FHIP1B: variants seen among roughly 807,000 people sequenced by gnomAD.
The protein encoded by FHIP1B is FHF complex subunit HOOK interacting protein 1B, also known as FHF complex subunit HOOK-interacting protein 1B.
FHIP1B carries 28 observed loss-of-function variants against 82.2 expected under a neutral mutation model. The ratio of observed to expected loss-of-function variants is 0.34; its 90% CI spans 0.25 to 0.47. The LOEUF is 0.47. Among genes scored for constraint, FHIP1B ranks in the 20% least tolerant of loss-of-function variants. The pLI is 1.00. For synonymous variants in FHIP1B, 585 were observed against 516.1 expected (o/e 1.13, Z -1.81); for missense variants, 1,110 against 1,262.6 (o/e 0.88, Z 1.83).
At chr11:6,217,092 G>A in intron 9 of FHIP1B, 1 of 702,986 alleles carries the variant, frequency 1.4e-6, no homozygotes, top group South Asian at 1.5e-5. Flanking sequence ...GCAGGAAATG[G>A]CCAGACTAGG....
intron 1 of FHIP1B, among the ~76,000 whole-genome samples, chr11:6,226,197 A>G (rs1847560009): frequency 6.6e-6 from 1 of 152,150 alleles, no homozygotes; most frequent in South Asian, 2.1e-4. Flanking sequence ...TCTCTCACAC[A>G]ATTTCCAGCT....
Position 6,217,432 on chromosome 11 carries a change from A to T in FHIP1B, c.2154T>A (p.Pro718=). The T allele has an allele frequency of 6.2e-7, 1 of 1,614,038 alleles. No individual in the cohort carries two copies. The highest frequency in any genetic ancestry group is 8.5e-7 in the Non-Finnish European group (1 of 1,179,942). Residue 718 remains proline, a synonymous_variant, in exon 9 of 12, where the codon CCT becomes CCA. Coordinates refer to ENST00000449352, the MANE Select transcript of FHIP1B (RefSeq NM_001098794.2). ...GCAAAGGGCTGCTGAGGAAGGGGCC[A>T]GGGGGCTCAGGGGGACAGGTGAAGC... ...YESFTCPPEP[P]GPFLSSPLRT... is the part of the protein sequence containing the mutation.
At chr11:6,218,552 C>T (rs1465943469) in intron 8 of FHIP1B, 48 bp downstream of exon 8, 7 of 1,611,960 alleles carry the variant, frequency 4.3e-6, no homozygotes, top group Non-Finnish European at 4.2e-6. Flanking sequence ...AGAACCTAGG[C>T]CATACCCGTG....
chr11:6,211,349 G>A lies in FHIP1B; in HGVS notation c.*157C>T. The A allele has an allele frequency of 8.7e-7, 1 of 1,151,822 alleles. No homozygotes were observed. The highest frequency in any genetic ancestry group is 1.6e-5 in the African/African-American group (1 of 63,756). 71.4% of individuals were successfully genotyped at this position (1,151,822 alleles called of 1,614,324 possible). On this transcript the variant is annotated 3_prime_UTR_variant, in exon 12 of 12. Coordinates refer to ENST00000449352, the MANE Select transcript of FHIP1B (RefSeq NM_001098794.2). ...GAAAGAAAAATGAGCACAGAATAGA[G>A]ATTTCCCTTTTATACATATTGCAAC... is the stretch of plus-strand genomic sequence containing the variant.
At chr11:6,230,487 T>C (rs1279338811) in intron 1 of FHIP1B, among the ~76,000 whole-genome samples, 2 of 152,218 alleles carry the variant, frequency 1.3e-5, no homozygotes, top group Non-Finnish European at 2.9e-5. Context: ...ACTAGGAATT[T>C]ATACTAGAGC....
chr11:6,212,096 C>A, intron 11 of FHIP1B: 1 of 370,924 alleles, frequency 2.7e-6, no homozygotes, highest in Non-Finnish European at 3.7e-6. Flanking sequence ...ACTCCAACAC[C>A]AAAAATACTG....
At chr11:6,222,199 C>T (rs1391463134) in intron 6 of FHIP1B, among the ~76,000 whole-genome samples, 8 of 152,174 alleles carry the variant, frequency 5.3e-5, no homozygotes, top group Non-Finnish European at 8.8e-5. Flanking sequence ...TCATGATGAA[C>T]AGCCAAAGTC....
chr11:6,232,840 G>A (rs1847732433), intron 1 of FHIP1B, among the ~76,000 whole-genome samples: 1 of 151,772 alleles, frequency 6.6e-6, no homozygotes, highest in Non-Finnish European at 1.5e-5. Context: ...TTTTTATTTG[G>A]GTAAATTAGA....
intron 1 of FHIP1B, among the ~76,000 whole-genome samples, chr11:6,227,287 G>A (rs1847588633): frequency 6.6e-6 from 1 of 152,178 alleles, no homozygotes; most frequent in Non-Finnish European, 1.5e-5. Context: ...TTTTACATAG[G>A]AGGAAATCAA....
intron 1 of FHIP1B, among the ~76,000 whole-genome samples, chr11:6,226,199 T>C (rs1311473228): frequency 6.6e-6 from 1 of 152,150 alleles, no homozygotes; most frequent in Non-Finnish European, 1.5e-5. Flanking sequence ...TCTCACACAA[T>C]TTCCAGCTCA....
chr11:6,213,133 G>A (rs1847120697), intron 11 of FHIP1B, among the ~76,000 whole-genome samples: 1 of 152,184 alleles, frequency 6.6e-6, no homozygotes, highest in Non-Finnish European at 1.5e-5. Flanking sequence ...AACTGTAGAA[G>A]GAAGAAATAT....
intron 1 of FHIP1B, among the ~76,000 whole-genome samples, chr11:6,234,292 C>G (rs990880684): frequency 6.6e-6 from 1 of 152,094 alleles, no homozygotes; most frequent in Non-Finnish European, 1.5e-5. Flanking sequence ...CCCTCAGTAG[C>G]CCCAGCCCTA....
chr11:6,215,573 G>A (rs753435470), intron 9 of FHIP1B, among the ~76,000 whole-genome samples: 2 of 152,224 alleles, frequency 1.3e-5, no homozygotes, highest in African/African-American at 2.4e-5. Context: ...AATATTTGGA[G>A]GACCAGAGAA....
At position 6,224,361 on chromosome 11, in the gene FHIP1B, T is replaced by TGC; in HGVS notation, c.138+16_138+17dup. ...CAGGTGATCAGCAGACAAGGCCCTT[T>TGC]GCCATACAGTCTCCTACCTGGGACC... is the stretch of plus-strand genomic sequence containing the variant. On this transcript the variant is annotated intron_variant, in intron 2 of 11. Transcript: ENST00000449352. 1 of 1,614,208 alleles carries TGC rather than the reference T, an allele frequency of 6.2e-7. No individual in the cohort carries two copies. The highest frequency in any genetic ancestry group is 8.5e-7 in the Non-Finnish European group (1 of 1,180,034).
chr11:6,233,279 T>G (rs923440199), intron 1 of FHIP1B, among the ~76,000 whole-genome samples: 2 of 152,214 alleles, frequency 1.3e-5, no homozygotes, highest in African/African-American at 4.8e-5. Context: ...GACTTAACTC[T>G]TTCTGAGTCT....
intron 1 of FHIP1B, among the ~76,000 whole-genome samples, chr11:6,232,612 CCTGT>C (rs1055957346): frequency 1.3e-5 from 2 of 152,154 alleles, no homozygotes; most frequent in African/African-American, 4.8e-5. Flanking sequence ...AATGAAAGTT[CCTGT>C]CTTTGTCTAC....
intron 6 of FHIP1B, 88 bp from the exon 7 acceptor site, chr11:6,219,138 A>G: frequency 2.8e-6 from 3 of 1,063,228 alleles, no homozygotes; most frequent in Admixed American, 4.0e-5. Flanking sequence ...ACCAGCCCCA[A>G]GTTGGCCCAA....
Position 6,217,363 on chromosome 11 carries a change from T to C in FHIP1B, c.2215+8A>G, listed in dbSNP as rs1021969443. On this transcript the variant is annotated splice_region_variant and intron_variant, in intron 9 of 11. Coordinates refer to ENST00000449352, the MANE Select transcript of FHIP1B (RefSeq NM_001098794.2). ...CACAGAAGGGAAGGCCTAGGCTAAG[T>C]AGCTTACCAGTGAAGGGCTGGCTTG... 9.9e-6 allele frequency: 16 copies of C among 1,612,770 alleles called. No individual in the cohort carries two copies. The highest frequency in any genetic ancestry group is 3.3e-5 in the South Asian group (3 of 91,072).
Position 6,223,115 on chromosome 11 carries a change from T to C in FHIP1B, c.901A>G (p.Met301Val). Reference protein sequence around the residue: ...WLGVPALALFMSSLEFCNAVI... With the variant: ...WLGVPALALFVSSLEFCNAVI... ...GCATTGCAGAACTCCAGGGAACTCA[T>C]GAAGAGTGCAAGGGCTGGCACTCCC... Residue 301 changes from methionine (M) to valine (V), a missense_variant, in exon 4 of 12, where the codon ATG becomes GTG. Physicochemically the swap from Met to Val is conservative, Grantham distance 21. This residue lies in a region of FHIP1B where 467 missense variants were observed against 602.9 expected (regional missense o/e 0.77). Transcript: ENST00000449352. This position sits in a 1 kb window ranked among gnomAD's most constrained non-coding sequence, Gnocchi z 4.8. 6.3e-7 allele frequency: 1 copy of C among 1,591,526 alleles called. No individual in the cohort carries two copies. The highest frequency in any genetic ancestry group is 8.5e-7 in the Non-Finnish European group (1 of 1,173,130).
Sources: gnomAD v4.1 joint callset for allele counts (sites outside exome capture counted in the v4.1 genomes callset) on GRCh38, gnomAD v4.1.1 for gene constraint, gnomAD v4.1.1 regional missense constraint, Gnocchi (gnomAD v3.1) non-coding constraint, MANE v1.5 for transcripts, NCBI Gene and HGNC (gene_info 2026-07-23, HGNC 2026-07-21) for gene names.